Variants in EXOC4 observed in about 807,000 individuals in gnomAD.
EXOC4 encodes the protein exocyst complex component 4, also known as SEC8-like 1.
In EXOC4, 71 loss-of-function variants were observed where a neutral mutation model predicts 107.2. The ratio of observed to expected loss-of-function variants is 0.66; its 90% CI spans 0.55 to 0.81. The LOEUF is 0.81. EXOC4 is among the 30% of genes least tolerant of loss of function. The pLI is 0.00. For synonymous variants in EXOC4, 456 were observed against 441.2 expected (o/e 1.03, Z -0.42); for missense variants, 1,108 against 1,189.6 (o/e 0.93, Z 1.01).
chr7:133,822,579 A>G (rs1259578768), intron 11 of EXOC4, among the ~76,000 whole-genome samples: 1 of 152,216 alleles, frequency 6.6e-6, no homozygotes, highest in Non-Finnish European at 1.5e-5. Flanking sequence ...CTGCATTTGT[A>G]TAGAATCTCC....
At chr7:133,711,593 T>C (rs1157463482) in intron 10 of EXOC4, among the ~76,000 whole-genome samples, 1 of 152,234 alleles carries the variant, frequency 6.6e-6, no homozygotes, top group Non-Finnish European at 1.5e-5. Context: ...GTATACTCAG[T>C]GCCATTATCA....
At chr7:133,912,280 T>TA (rs1280908776) in intron 12 of EXOC4, among the ~76,000 whole-genome samples, 3 of 152,226 alleles carry the variant, frequency 2.0e-5, no homozygotes, top group Admixed American at 1.3e-4. Flanking sequence ...ACAGAGAAAG[T>TA]GAGTTTTTGA....
rs572985559 is a variant in EXOC4, at chr7:133,273,191, G to T, written c.87-1791G>T. The stretch of plus-strand genomic sequence containing the variant: ...GTTTTCAGATTTAAAGAGCAAAGTT[G>T]TGTATCATTAAAACAACAAGAAGAC... On this transcript the variant is annotated intron_variant, in intron 1 of 17. Coordinates refer to ENST00000253861, the MANE Select transcript of EXOC4 (RefSeq NM_021807.4). 7.2e-5 allele frequency among the ~76,000 whole-genome samples: 11 copies of T among 152,326 alleles called. No homozygotes were observed. The South Asian group carries it at 2.3e-3, about 32-fold the overall frequency.
chr7:133,945,588 A>G (rs1280397677), intron 14 of EXOC4, among the ~76,000 whole-genome samples: 1 of 152,194 alleles, frequency 6.6e-6, no homozygotes, highest in Non-Finnish European at 1.5e-5. Flanking sequence ...TGAGAAGGGC[A>G]CAAGGAATCT....
chr7:133,855,128 A>AAT (rs1160792457), intron 11 of EXOC4, among the ~76,000 whole-genome samples: 914 of 64,770 alleles, frequency 0.014, 48 homozygotes, highest in African/African-American at 0.076. Flanking sequence ...TATATATATA[A>AAT]ATATATATAT....
At chr7:133,499,891 GC>G (rs1799546012) in intron 9 of EXOC4, among the ~76,000 whole-genome samples, 1 of 152,098 alleles carries the variant, frequency 6.6e-6, no homozygotes, top group Non-Finnish European at 1.5e-5. Flanking sequence ...AGAACTGTGA[GC>G]CAGTTAAACC....
chr7:133,639,181 T>G (rs1802786259), intron 10 of EXOC4, among the ~76,000 whole-genome samples: 1 of 152,156 alleles, frequency 6.6e-6, no homozygotes, highest in African/African-American at 2.4e-5. Flanking sequence ...TAACGTATAT[T>G]CCTTTGAGTG....
intron 10 of EXOC4, among the ~76,000 whole-genome samples, chr7:133,701,989 C>A (rs1215246898): frequency 5.5e-5 from 6 of 110,076 alleles, no homozygotes; most frequent in Non-Finnish European, 1.1e-4. Flanking sequence ...CCTTTTCTTT[C>A]TTTCTTTCTT....
At chr7:133,766,913 A>T (rs758861887) in intron 10 of EXOC4, among the ~76,000 whole-genome samples, 5 of 151,782 alleles carry the variant, frequency 3.3e-5, no homozygotes, top group African/African-American at 4.8e-5. Context: ...TTCCCATTTC[A>T]TTCACTTCAT....
chr7:133,319,018 C>G (rs1278135605), intron 5 of EXOC4, among the ~76,000 whole-genome samples: 1 of 152,044 alleles, frequency 6.6e-6, no homozygotes, highest in Non-Finnish European at 1.5e-5. Flanking sequence ...TATATTTGTA[C>G]CTTTGATATG....
Position 133,257,357 on chromosome 7 carries a change from TACAC to T in EXOC4, c.86+4175_86+4178del, listed in dbSNP as rs1236569840. Among the ~76,000 whole-genome samples the T allele has an allele frequency of 4.4e-5, 6 of 136,696 alleles. 1 individual carries two copies. The highest frequency in any genetic ancestry group is 4.7e-4 in the South Asian group (2 of 4,272). The allele number at this position is 136,696 out of a possible 152,430, so 89.7% of individuals were successfully genotyped here. A position where few individuals can be genotyped will look rare whatever the true frequency, so the allele number is the denominator to read the frequency against. On this transcript the variant is annotated intron_variant, in intron 1 of 17. Coordinates refer to ENST00000253861, the MANE Select transcript of EXOC4 (RefSeq NM_021807.4). ...CTGCTGATGTACAATTTGGATGGTT[TACAC>T]ACACGCACACACACACACACACACG...
intron 9 of EXOC4, among the ~76,000 whole-genome samples, chr7:133,608,535 A>G (rs538931118): frequency 1.1e-4 from 16 of 145,230 alleles, no homozygotes; most frequent in Admixed American, 8.3e-4. Flanking sequence ...TGAAGTAAAT[A>G]TGCTGTATTT....
chr7:134,086,479 T>G, the EXOC4 span, among the ~76,000 whole-genome samples: 1 of 152,294 alleles, frequency 6.6e-6, no homozygotes, highest in African/African-American at 2.4e-5. Flanking sequence ...CTTTTTTAAG[T>G]TCTTAATTGA....
chr7:133,948,593 G>C (rs1040702434), intron 14 of EXOC4, among the ~76,000 whole-genome samples: 5 of 152,180 alleles, frequency 3.3e-5, no homozygotes, highest in Admixed American at 1.3e-4. Context: ...TGTGCGAATT[G>C]TATGTGTGTA....
In EXOC4 at chr7:133,997,538, A is replaced by G. The variant is rs757776324; in HGVS notation, c.2253A>G (p.Pro751=). The G allele has an allele frequency of 2.5e-6, 4 of 1,613,762 alleles. No individual in the cohort carries two copies. The highest frequency in any genetic ancestry group is 2.2e-5 in the East Asian group (1 of 44,862). Residue 751 remains proline (P), a synonymous_variant, in exon 15 of 18, where the codon CCA becomes CCG. Coordinates refer to ENST00000253861, the MANE Select transcript of EXOC4 (RefSeq NM_021807.4). ...GCCACACGAACACGGATCTCCCCCC[A>G]GTGTCAGAGCAGATCATGCAGACTC... ...QDSHTNTDLP[P]VSEQIMQTLS... is the part of the protein sequence containing the mutation.
At chr7:134,015,672 C>G (rs1180999188) in intron 17 of EXOC4, among the ~76,000 whole-genome samples, 2 of 151,824 alleles carry the variant, frequency 1.3e-5, no homozygotes, top group East Asian at 3.9e-4. Flanking sequence ...GTCAGGAGAT[C>G]GAGACCATCT....
At chr7:133,578,479 T>A (rs1219302040) in intron 9 of EXOC4, among the ~76,000 whole-genome samples, 1 of 152,216 alleles carries the variant, frequency 6.6e-6, no homozygotes, top group African/African-American at 2.4e-5. Context: ...CTTATCACTA[T>A]GGCTAGCTTG....
chr7:133,552,604 CTGTT>C (rs542557459), intron 9 of EXOC4, among the ~76,000 whole-genome samples: 174 of 152,200 alleles, frequency 1.1e-3, no homozygotes, highest in African/African-American at 3.8e-3. Context: ...TCTGCAGACT[CTGTT>C]TGCTGAAACT....
At chr7:133,932,784 CCTGCT>C in intron 13 of EXOC4, among the ~76,000 whole-genome samples, 1 of 152,230 alleles carries the variant, frequency 6.6e-6, no homozygotes, top group East Asian at 1.9e-4. Context: ...TGACCTTTCC[CCTGCT>C]CTGTTCTTTA....
Sources: allele counts gnomAD v4.1 joint callset (sites outside exome capture counted in the v4.1 genomes callset), GRCh38; gene constraint gnomAD v4.1.1; transcripts MANE v1.5; gene names NCBI Gene and HGNC (gene_info 2026-07-23, HGNC 2026-07-21).